Variants in DRD2 observed in about 807,000 individuals in gnomAD.
DRD2 encodes the protein dopamine receptor D2, also known as D(2) dopamine receptor.
DRD2 carries 8 observed loss-of-function variants against 38.0 expected under a neutral mutation model. The observed-to-expected ratio is 0.21, with a 90% confidence interval of 0.12 to 0.38. DRD2 has a LOEUF of 0.38. Ranked by LOEUF, DRD2 falls within the 10% of genes least tolerant of loss-of-function variation. The pLI, the probability that DRD2 is intolerant of heterozygous loss-of-function variation, is 1.00. For missense variants in DRD2, 403 were observed against 607.7 expected, an observed-to-expected ratio of 0.66 and a Z score of 3.54; for synonymous variants, 230 against 238.6, an observed-to-expected ratio of 0.96 and a Z score of 0.33.
At chr11:113,447,273 C>T (rs964523348) in intron 1 of DRD2, among the ~76,000 whole-genome samples, 3 of 152,102 alleles carry the variant, frequency 2.0e-5, no homozygotes, top group Admixed American at 6.5e-5. Flanking sequence ...GCTCAGGCTC[C>T]GTGATGTTGT....
intron 1 of DRD2, among the ~76,000 whole-genome samples, chr11:113,456,231 C>A (rs911943336): frequency 6.6e-6 from 1 of 152,148 alleles, no homozygotes; most frequent in Non-Finnish European, 1.5e-5. Context: ...GTGGAATCTA[C>A]GAATTTGAAC....
At chr11:113,461,200 C>G (rs1387263191) in intron 1 of DRD2, among the ~76,000 whole-genome samples, 1 of 152,160 alleles carries the variant, frequency 6.6e-6, no homozygotes, top group Non-Finnish European at 1.5e-5. Context: ...TTACAGGGGC[C>G]CAGAACACCT....
At chr11:113,426,538 A>T (rs1040217201) in intron 1 of DRD2, among the ~76,000 whole-genome samples, 2 of 152,162 alleles carry the variant, frequency 1.3e-5, no homozygotes, top group African/African-American at 4.8e-5. Context: ...GCCATTTGGG[A>T]TGAATGTGGT....
At position 113,410,677 on chromosome 11, in the gene DRD2, G is replaced by T. The variant is rs767149572; in HGVS notation, c.*50C>A. The T allele has an allele frequency of 1.6e-5, 25 of 1,611,516 alleles. No homozygotes were observed. In the South Asian group the frequency reaches 2.7e-4, roughly 18 times the overall value. ...CGGTTCGCAAGGGTGAGGCTGGCCG[G>T]CCTGGGCAGGGAGGTGGGAAGCAGG... On this transcript the variant is annotated 3_prime_UTR_variant, in exon 8 of 8. Transcript: ENST00000362072.
intron 1 of DRD2, among the ~76,000 whole-genome samples, chr11:113,468,510 G>C (rs1951390872): frequency 6.6e-6 from 1 of 152,226 alleles, no homozygotes; most frequent in African/African-American, 2.4e-5. Context: ...CTGTCTATCA[G>C]AAAAGCATTG....
rs909622147 is a variant in DRD2, at chr11:113,412,752, A to G, written c.942T>C (p.Gly314=). Residue 314 remains glycine (G), a synonymous_variant, in exon 7 of 8, where the codon GGT becomes GGC. Coordinates refer to ENST00000362072, the MANE Select transcript of DRD2 (RefSeq NM_000795.4). ...CGGGGCTGTCGGGAGTGCTGTGGAG[A>G]CCATGGTGGGACGGGTCGGGGAGAG... ...QLTLPDPSHH[G]LHSTPDSPAK... 5 of 1,613,250 alleles carry G rather than the reference A, an allele frequency of 3.1e-6. No homozygotes were observed. The African/African-American group carries it at 5.4e-5, about 17-fold the overall frequency.
At chr11:113,458,950 T>C (rs931287553) in intron 1 of DRD2, among the ~76,000 whole-genome samples, 1 of 152,178 alleles carries the variant, frequency 6.6e-6, no homozygotes, top group Non-Finnish European at 1.5e-5. Context: ...TATGTTGTGA[T>C]ATATATCATA....
intron 1 of DRD2, among the ~76,000 whole-genome samples, chr11:113,467,775 T>G (rs60253148): frequency 0.092 from 14,010 of 152,120 alleles, 851 homozygotes; most frequent in East Asian, 0.18. Flanking sequence ...GCTCATGTGG[T>G]GTAAGATGGA....
chr11:113,415,406 G>A lies in DRD2; in HGVS notation c.723+15C>T. On this transcript the variant is annotated intron_variant, in intron 5 of 7. Transcript: ENST00000362072. ...GGTGGGGACCCTTGGAGTTGGTTGG[G>A]GGGTGTCTTGAGACCTTTAGTGGAG... The A allele has an allele frequency of 6.2e-7, 1 of 1,605,856 alleles. No individual in the cohort carries two copies. The highest frequency in any genetic ancestry group is 8.5e-7 in the Non-Finnish European group (1 of 1,174,868).
intron 1 of DRD2, among the ~76,000 whole-genome samples, chr11:113,452,680 C>T (rs570762562): frequency 4.8e-5 from 7 of 145,228 alleles, no homozygotes; most frequent in African/African-American, 1.8e-4. Flanking sequence ...TAAGGTCTTG[C>T]TTTGTTATCC....
At chr11:113,464,102 A>T (rs1951346649) in intron 1 of DRD2, among the ~76,000 whole-genome samples, 1 of 152,096 alleles carries the variant, frequency 6.6e-6, no homozygotes, top group Non-Finnish European at 1.5e-5. Flanking sequence ...CCACATCTTT[A>T]TACCCACTTG....
intron 1 of DRD2, among the ~76,000 whole-genome samples, chr11:113,465,417 T>C (rs1951359394): frequency 1.3e-5 from 1 of 78,152 alleles, no homozygotes; most frequent in Admixed American, 1.2e-4. Context: ...TGTTGTTGTT[T>C]GTTTGTTTGT....
chr11:113,435,398 T>C (rs1252145083), intron 1 of DRD2, among the ~76,000 whole-genome samples: 1 of 152,050 alleles, frequency 6.6e-6, no homozygotes, highest in East Asian at 1.9e-4. Context: ...TCTCTGCGTG[T>C]GCTGCCTTTT....
At chr11:113,452,457 TGTGTGTGTGTGTGCGCGC>T (rs1467577992) in intron 1 of DRD2, among the ~76,000 whole-genome samples, 8 of 100,038 alleles carry the variant, frequency 8.0e-5, no homozygotes, top group African/African-American at 2.2e-4. Flanking sequence ...TGTGTGTGTG[TGTGTGTGTGTGTGCGCGC>T]GCGCGCGCGC....
chr11:113,468,917 C>T (rs1007958118), intron 1 of DRD2, among the ~76,000 whole-genome samples: 5 of 152,168 alleles, frequency 3.3e-5, no homozygotes, highest in African/African-American at 7.2e-5. Context: ...CAGGCCATCC[C>T]GCCCTCACAT....
At chr11:113,419,926 G>GCC (rs1950870002) in intron 2 of DRD2, among the ~76,000 whole-genome samples, 1 of 152,230 alleles carries the variant, frequency 6.6e-6, no homozygotes, top group Non-Finnish European at 1.5e-5. Flanking sequence ...TCACATGGGG[G>GCC]CCCCGTACCA....
Position 113,475,234 on chromosome 11 carries a change from C to T in DRD2, c.-190G>A, listed in dbSNP as rs2120031370. On this transcript the variant is annotated 5_prime_UTR_variant, in exon 1 of 8. Coordinates refer to ENST00000362072, the MANE Select transcript of DRD2 (RefSeq NM_000795.4). ...CCCGGCCCCGCCGCGCCGTTCAGAG[C>T]CCCGGCGGGCAGCAGCTCGGCCGGC... The T allele has an allele frequency of 6.7e-6, 1 of 150,258 alleles. No homozygotes were observed. The highest frequency in any genetic ancestry group is 1.5e-5 in the Non-Finnish European group (1 of 67,356). 9.3% of individuals were successfully genotyped at this position (150,258 alleles called of 1,614,324 possible).
rs1007776137 is a variant in DRD2, at chr11:113,416,964, G to A, written c.431C>T (p.Thr144Met). 12 of 1,614,094 alleles carry A rather than the reference G, an allele frequency of 7.4e-6. No homozygotes were observed. The highest frequency in any genetic ancestry group is 9.3e-6 in the Non-Finnish European group (11 of 1,180,010). ...GACCCGGCGCTTGGAGCTGTAGCGCGTATTGTACAGCATGGGCATGGCCAC... is the reference window on the plus strand; with the variant it reads ...GACCCGGCGCTTGGAGCTGTAGCGCATATTGTACAGCATGGGCATGGCCAC... Reference protein sequence around the residue: ...TAVAMPMLYNTRYSSKRRVTV... With the variant: ...TAVAMPMLYNMRYSSKRRVTV... The change falls in exon 4 of 8, where the codon ACG becomes ATG. Residue 144 changes from threonine (T) to methionine (M), a missense_variant. By Grantham distance (81) the Thr-to-Met change is moderately conservative (BLOSUM62 -1). Around this residue, in one of 4 missense-constraint regions of DRD2, gnomAD observed 162 missense variants for 254.5 expected, o/e 0.64. Coordinates refer to ENST00000362072, the MANE Select transcript of DRD2 (RefSeq NM_000795.4).
At chr11:113,429,152 G>GA (rs1392315648) in intron 1 of DRD2, among the ~76,000 whole-genome samples, 3 of 151,736 alleles carry the variant, frequency 2.0e-5, no homozygotes, top group East Asian at 1.9e-4. Context: ...TACACCATAG[G>GA]AAAAAAAAGG....
Sources: gnomAD v4.1 joint callset for allele counts (sites outside exome capture counted in the v4.1 genomes callset) on GRCh38, gnomAD v4.1.1 for gene constraint, gnomAD v4.1.1 regional missense constraint, MANE v1.5 for transcripts, NCBI Gene and HGNC (gene_info 2026-07-23, HGNC 2026-07-21) for gene names.